The following FRMPD1 variants were observed in gnomAD, a reference collection of about 807,000 sequenced individuals.
FRMPD1 encodes FERM and PDZ domain-containing protein 1.
A neutral mutation model predicts 117.8 loss-of-function variants in FRMPD1; 76 were observed. The ratio of observed to expected loss-of-function variants is 0.65; its 90% CI spans 0.54 to 0.78. FRMPD1 has a LOEUF of 0.78. FRMPD1 is among the 30% of genes least tolerant of loss of function. The probability of loss-of-function intolerance (pLI) is 0.00; values close to 1 mark genes in which losing one functional copy is unlikely to be tolerated. For missense variants in FRMPD1, 1,786 were observed against 1,964.5 expected, an observed-to-expected ratio of 0.91 and a Z score of 1.72; for synonymous variants, 783 against 770.4, an observed-to-expected ratio of 1.02 and a Z score of -0.27.
chr9:37,638,236 G>C, the FRMPD1 span, among the ~76,000 whole-genome samples: 14 of 151,844 alleles, frequency 9.2e-5, no homozygotes, highest in African/African-American at 2.4e-5. Context: ...ACCACGCCTG[G>C]ATAATTTTTG....
At chr9:37,728,057 A>G (rs1487496538) in intron 7 of FRMPD1, 1 of 152,252 alleles carries the variant, frequency 6.6e-6, no homozygotes, top group Non-Finnish European at 1.5e-5. Flanking sequence ...ATAAGCAAGA[A>G]AACAGAGATT....
At chr9:37,644,641 C>G in the FRMPD1 span, among the ~76,000 whole-genome samples, 3 of 152,164 alleles carry the variant, frequency 2.0e-5, no homozygotes. Flanking sequence ...GCCATCTTTC[C>G]TCCCCAACAA....
intron 1 of FRMPD1, among the ~76,000 whole-genome samples, chr9:37,676,475 C>T (rs16934357): frequency 0.23 from 34,325 of 151,932 alleles, 3,994 homozygotes; most frequent in Middle Eastern, 0.28. Flanking sequence ...CTGGGTCCTG[C>T]GGTTTTCGGC....
chr9:37,698,568 T>A (rs2118080409), intron 2 of FRMPD1, among the ~76,000 whole-genome samples: 1 of 141,888 alleles, frequency 7.0e-6, no homozygotes, highest in Non-Finnish European at 1.5e-5. Flanking sequence ...TTTTTTTTTT[T>A]TTTTTTTTTT....
At chr9:37,637,963 G>GCTTTCTTTCTTTCTTTCTTTCTTT in the FRMPD1 span, among the ~76,000 whole-genome samples, 40 of 100,124 alleles carry the variant, frequency 4.0e-4, 4 homozygotes, top group Admixed American at 5.6e-4. Context: ...AATGGTGTAT[G>GCTTTCTTTCTTTCTTTCTTTCTTT]CTTTCTTTCT....
chr9:37,621,516 C>T, the FRMPD1 span, among the ~76,000 whole-genome samples: 997 of 152,230 alleles, frequency 6.5e-3, 18 homozygotes, highest in African/African-American at 0.022. Context: ...GCCTATCTCA[C>T]CTCACTTCAG....
upstream of FRMPD1, among the ~76,000 whole-genome samples, chr9:37,649,952 G>A (rs1251774527): frequency 6.6e-6 from 1 of 152,142 alleles, no homozygotes; most frequent in Admixed American, 6.5e-5. Flanking sequence ...CAATTCCACT[G>A]GCCTTTCAGG....
At chr9:37,737,683 C>G (rs1824196944) in intron 14 of FRMPD1, among the ~76,000 whole-genome samples, 1 of 152,022 alleles carries the variant, frequency 6.6e-6, no homozygotes, top group African/African-American at 2.4e-5. Flanking sequence ...ATTAGCCGAG[C>G]ATGGTGGCAC....
chr9:37,701,627 T>G (rs1452184418), intron 2 of FRMPD1, among the ~76,000 whole-genome samples: 3 of 152,062 alleles, frequency 2.0e-5, no homozygotes, highest in Non-Finnish European at 4.4e-5. Flanking sequence ...TAGGCTAGTT[T>G]GACTGGAACA....
the FRMPD1 span, among the ~76,000 whole-genome samples, chr9:37,621,052 G>T: frequency 6.6e-6 from 1 of 152,140 alleles, no homozygotes; most frequent in African/African-American, 2.4e-5. Context: ...TATCCAAAAT[G>T]ATAGTCGAAA....
the FRMPD1 span, among the ~76,000 whole-genome samples, chr9:37,642,846 T>C: frequency 2.6e-5 from 4 of 152,220 alleles, no homozygotes; most frequent in African/African-American, 9.6e-5. Context: ...GTTATTTCTT[T>C]TCTTTCTGCA....
chr9:37,688,904 T>G (rs893345598), intron 1 of FRMPD1, among the ~76,000 whole-genome samples: 1 of 152,120 alleles, frequency 6.6e-6, no homozygotes, highest in Admixed American at 6.5e-5. Context: ...TATATTTTTC[T>G]GTGTATGTTA....
chr9:37,727,016 G>A (rs929470048), intron 7 of FRMPD1, among the ~76,000 whole-genome samples: 2 of 152,156 alleles, frequency 1.3e-5, no homozygotes, highest in East Asian at 1.9e-4. Flanking sequence ...GGCAACATCC[G>A]GGCACGGCGA....
chr9:37,667,535 A>G (rs1157132953), intron 1 of FRMPD1, among the ~76,000 whole-genome samples: 1 of 150,418 alleles, frequency 6.6e-6, no homozygotes, highest in Non-Finnish European at 1.5e-5. Flanking sequence ...AAAAATAGCC[A>G]GGCATGGTGG....
the FRMPD1 span, chr9:37,637,159 G>T: frequency 6.2e-7 from 1 of 1,610,068 alleles, no homozygotes; most frequent in Non-Finnish European, 8.5e-7. Context: ...TTTGGATCTT[G>T]AAGTCCACCC....
upstream of FRMPD1, among the ~76,000 whole-genome samples, chr9:37,647,807 T>G (rs1295241001): frequency 6.6e-6 from 1 of 152,226 alleles, no homozygotes; most frequent in African/African-American, 2.4e-5. Context: ...AAGATATTTT[T>G]GACCAGGATT....
At chr9:37,664,380 A>G (rs1325915) in intron 1 of FRMPD1, among the ~76,000 whole-genome samples, 95,553 of 151,904 alleles carry the variant, frequency 0.63, 31,740 homozygotes, top group African/African-American at 0.85. Context: ...ATAGGTATAC[A>G]TGTGCCTAGT....
intron 2 of FRMPD1, chr9:37,693,112 A>C (rs1822205581): frequency 4.9e-6 from 1 of 205,238 alleles, no homozygotes; most frequent in Non-Finnish European, 1.0e-5. Flanking sequence ...TGACACACAC[A>C]CAGACACACA....
At chr9:37,691,729 C>A (rs541746696) in intron 1 of FRMPD1, among the ~76,000 whole-genome samples, 2 of 152,252 alleles carry the variant, frequency 1.3e-5, no homozygotes, top group Admixed American at 6.5e-5. Context: ...CATGGTGAAA[C>A]CCCATCTCTA....
Sources: gnomAD v4.1 joint callset for allele counts (sites outside exome capture counted in the v4.1 genomes callset) on GRCh38, gnomAD v4.1.1 for gene constraint, MANE v1.5 for transcripts, NCBI Gene and HGNC (gene_info 2026-07-23, HGNC 2026-07-21) for gene names.